STX8: variants seen among roughly 807,000 people sequenced by gnomAD.
STX8 encodes syntaxin-8.
STX8 carries 23 observed loss-of-function variants against 37.5 expected under a neutral mutation model. The ratio of observed to expected loss-of-function variants is 0.61; its 90% CI spans 0.44 to 0.87. The LOEUF (loss-of-function observed/expected upper bound fraction) is 0.87, where lower values mean the gene tolerates loss of function less well. STX8 is among the 40% of genes least tolerant of loss of function. The pLI is 0.00. For synonymous variants in STX8, 115 were observed against 99.1 expected, an observed-to-expected ratio of 1.16 and a Z score of -0.95; for missense variants, 313 against 284.7, an observed-to-expected ratio of 1.10 and a Z score of -0.71.
chr17:9,327,441 CTG>C (rs1298175627), intron 7 of STX8, among the ~76,000 whole-genome samples: 4 of 152,046 alleles, frequency 2.6e-5, no homozygotes, highest in Non-Finnish European at 5.9e-5. Context: ...TCAGGGAAAA[CTG>C]TCTATTTCTA....
chr17:9,542,453 A>G (rs1415716828), intron 4 of STX8, among the ~76,000 whole-genome samples: 2 of 152,114 alleles, frequency 1.3e-5, no homozygotes, highest in Admixed American at 6.6e-5. Context: ...CGAGGCAGGC[A>G]GATCACGAGG....
chr17:9,431,427 T>TTTGTTGTTG (rs147664582), intron 6 of STX8, among the ~76,000 whole-genome samples: 3 of 148,616 alleles, frequency 2.0e-5, no homozygotes, highest in Admixed American at 6.8e-5. Flanking sequence ...TAGCAGGGTT[T>TTTGTTGTTG]TTGTTGTTGT....
intron 7 of STX8, chr17:9,305,500 C>T (rs1006015814): frequency 8.5e-5 from 13 of 152,158 alleles, no homozygotes; most frequent in African/African-American, 2.7e-4. Flanking sequence ...CTAGGCTAAA[C>T]TATGATGTTG....
chr17:9,567,776 T>C (rs965971714), intron 2 of STX8, among the ~76,000 whole-genome samples: 10 of 152,162 alleles, frequency 6.6e-5, no homozygotes, highest in African/African-American at 2.4e-4. Flanking sequence ...AGCCTCCACC[T>C]CCCAGGTTCA....
intron 7 of STX8, among the ~76,000 whole-genome samples, chr17:9,320,772 G>A (rs560852839): frequency 3.2e-4 from 49 of 151,602 alleles, no homozygotes; most frequent in African/African-American, 1.1e-3. Flanking sequence ...GTGGTGGCGT[G>A]CACCTCTAGT....
intron 7 of STX8, among the ~76,000 whole-genome samples, chr17:9,312,225 G>C (rs1241388838): frequency 2.0e-5 from 3 of 150,964 alleles, no homozygotes; most frequent in African/African-American, 4.9e-5. Context: ...TTTTGAGATG[G>C]AGTTTCGTTC....
At chr17:9,431,259 T>TG (rs1913961730) in intron 6 of STX8, among the ~76,000 whole-genome samples, 1 of 146,204 alleles carries the variant, frequency 6.8e-6, no homozygotes, top group Non-Finnish European at 1.5e-5. Context: ...TTAGTAGAGA[T>TG]GGGGTATCAC....
At chr17:9,429,397 A>AT (rs1913763186) in intron 6 of STX8, among the ~76,000 whole-genome samples, 1 of 144,628 alleles carries the variant, frequency 6.9e-6, no homozygotes, top group Non-Finnish European at 1.5e-5. Flanking sequence ...TATATATTAT[A>AT]AATATATAAA....
chr17:9,568,458 G>A lies in STX8; in HGVS notation c.30C>T (p.Tyr10=), dbSNP rs777430660. 22 of 1,612,308 alleles carry A rather than the reference G, an allele frequency of 1.4e-5. No individual in the cohort carries two copies. The highest frequency in any genetic ancestry group is 8.3e-5 in the Admixed American group (5 of 59,976). The change falls in exon 2 of 8, where the codon TAC becomes TAT. Residue 10 remains tyrosine (Y), a synonymous_variant. Coordinates refer to ENST00000306357, the MANE Select transcript of STX8 (RefSeq NM_004853.3). ...CTTGGGCAATTTGACAAGTAGAATC[G>A]TATGTGGAGAACCTGCACCAAAGTC... MAPDPWFST[Y]DSTCQIAQEI... is the part of the protein sequence containing the mutation.
At chr17:9,282,430 G>A (rs991371316) in intron 7 of STX8, among the ~76,000 whole-genome samples, 8 of 152,118 alleles carry the variant, frequency 5.3e-5, no homozygotes, top group Non-Finnish European at 8.8e-5. Context: ...CACTGCACCC[G>A]GCCTGATGAC....
At chr17:9,311,399 AAG>A (rs1567779049) in intron 7 of STX8, among the ~76,000 whole-genome samples, 1 of 152,216 alleles carries the variant, frequency 6.6e-6, no homozygotes, top group African/African-American at 2.4e-5. Context: ...GTAAGACAGA[AAG>A]AAACAATTTT....
At chr17:9,302,359 ATATT>A (rs1908819607) in intron 7 of STX8, among the ~76,000 whole-genome samples, 1 of 151,956 alleles carries the variant, frequency 6.6e-6, no homozygotes, top group South Asian at 2.1e-4. Context: ...GATAGTTTTT[ATATT>A]TATTAATAAA....
At position 9,365,571 on chromosome 17, in the gene STX8, T is replaced by A. The variant is rs562026156; in HGVS notation, c.643+12981A>T. ...TCAAGTGAGGTTTGGGTCTGAGATGTGGAACTGTGAGTTACCCATGAAGTT... is the reference window on the plus strand; with the variant it reads ...TCAAGTGAGGTTTGGGTCTGAGATGAGGAACTGTGAGTTACCCATGAAGTT... On this transcript the variant is annotated intron_variant, in intron 7 of 7. Coordinates refer to ENST00000306357, the MANE Select transcript of STX8 (RefSeq NM_004853.3). 3.3e-5 allele frequency among the ~76,000 whole-genome samples: 5 copies of A among 152,364 alleles called. No individual in the cohort carries two copies. The East Asian group carries it at 9.6e-4, about 29-fold the overall frequency.
rs138804494 is a variant in STX8, at chr17:9,413,352, T to C, written c.542-34699A>G. ...TCAACTGGCAAGCACTGCCCAAAGG[T>C]AAAATGTGGACAGAGAGGCCAACAA... On this transcript the variant is annotated intron_variant, in intron 6 of 7. Coordinates refer to ENST00000306357, the MANE Select transcript of STX8 (RefSeq NM_004853.3). Among the ~76,000 whole-genome samples, 505 of 152,156 alleles carry C rather than the reference T, an allele frequency of 3.3e-3. 4 individuals are homozygous for C. The highest frequency in any genetic ancestry group is 0.011 in the African/African-American group (471 of 41,516).
At chr17:9,496,413 C>T (rs1904410222) in intron 5 of STX8, among the ~76,000 whole-genome samples, 2 of 152,170 alleles carry the variant, frequency 1.3e-5, no homozygotes, top group African/African-American at 2.4e-5. Flanking sequence ...ACCATCATGT[C>T]ATAACTGCCA....
intron 5 of STX8, among the ~76,000 whole-genome samples, chr17:9,498,292 A>C (rs886515972): frequency 1.3e-4 from 19 of 151,902 alleles, no homozygotes; most frequent in African/African-American, 4.6e-4. Flanking sequence ...TGGGAGGCTG[A>C]GGCTGGAGAA....
Position 9,366,082 on chromosome 17 carries a change from C to G in STX8, c.643+12470G>C, listed in dbSNP as rs149094705. On this transcript the variant is annotated intron_variant, in intron 7 of 7. Coordinates refer to ENST00000306357, the MANE Select transcript of STX8 (RefSeq NM_004853.3). ...GTTCCATGATCTGGTCCCAGCCTGC[C>G]TAGCTTCATTTTCCACGCCTCTCAG... Among the ~76,000 whole-genome samples the G allele has an allele frequency of 9.7e-3, 1,485 of 152,324 alleles. 16 individuals are homozygous for G. The highest frequency in any genetic ancestry group is 0.016 in the South Asian group (75 of 4,822).
At chr17:9,549,199 T>A (rs540830630) in intron 3 of STX8, among the ~76,000 whole-genome samples, 1 of 152,268 alleles carries the variant, frequency 6.6e-6, no homozygotes, top group African/African-American at 2.4e-5. Flanking sequence ...AATGTATCAG[T>A]AGAAAGTATA....
At position 9,433,982 on chromosome 17, in the gene STX8, G is replaced by T. The variant is rs117338667; in HGVS notation, c.542-55329C>A. Among the ~76,000 whole-genome samples the T allele has an allele frequency of 7.4e-3, 1,100 of 148,716 alleles. 4 individuals are homozygous for T. The highest frequency in any genetic ancestry group is 0.013 in the Non-Finnish European group (878 of 67,442). ...TACAGAAGAGATGATGCTGCCTAGG[G>T]GGTAAAACGGGCTTTAGTATGTCAG... On this transcript the variant is annotated intron_variant, in intron 6 of 7. Transcript: ENST00000306357.
Sources: allele counts gnomAD v4.1 joint callset (sites outside exome capture counted in the v4.1 genomes callset), GRCh38; gene constraint gnomAD v4.1.1; transcripts MANE v1.5; gene names NCBI Gene and HGNC (gene_info 2026-07-23, HGNC 2026-07-21).